The following KIF13A variants were observed in gnomAD, a reference collection of about 807,000 sequenced individuals.
KIF13A encodes the protein kinesin-like protein KIF13A.
KIF13A carries 79 observed loss-of-function variants against 212.2 expected under a neutral mutation model. The observed-to-expected ratio is 0.37, with a 90% confidence interval of 0.31 to 0.45. The LOEUF (loss-of-function observed/expected upper bound fraction) is 0.45. Among genes scored for constraint, KIF13A ranks in the 20% least tolerant of loss-of-function variants. The pLI is 1.00. For missense variants in KIF13A, 1,901 were observed against 2,209.0 expected, an observed-to-expected ratio of 0.86 and a Z score of 2.79; for synonymous variants, 789 against 808.6, an observed-to-expected ratio of 0.98 and a Z score of 0.41.
chr6:17,880,627 C>CAAAAA (rs34817140), intron 3 of KIF13A, among the ~76,000 whole-genome samples: 17 of 69,322 alleles, frequency 2.5e-4, no homozygotes, highest in African/African-American at 6.9e-4. Flanking sequence ...GACTCTGTCT[C>CAAAAA]AAAAAAAAAA....
At chr6:17,882,933 A>ATG (rs1313788172) in intron 3 of KIF13A, among the ~76,000 whole-genome samples, 3 of 152,152 alleles carry the variant, frequency 2.0e-5, no homozygotes, top group African/African-American at 7.2e-5. Context: ...CAGATTCTGT[A>ATG]TGTGTGTATA....
rs769297376 is a variant in KIF13A, at chr6:17,837,108, C to A, written c.943-18G>T. The A allele has an allele frequency of 1.2e-6, 2 of 1,609,424 alleles. No individual in the cohort carries two copies. Among genetic ancestry groups the A allele is most frequent in the Non-Finnish European group, 1.7e-6 (2 of 1,176,342 alleles). On this transcript the variant is annotated intron_variant, in intron 10 of 38. Coordinates refer to ENST00000259711, the MANE Select transcript of KIF13A (RefSeq NM_022113.6). The surrounding 1 kb of genome is among the most constrained non-coding windows in gnomAD (Gnocchi z 5.4). ...AAGTTGTCCTGCCAAGTATTTCAAA[C>A]AGCATCTTAGGAAGCCCATTCCATG...
chr6:17,761,507 C>T (rs1010689192), downstream of KIF13A, among the ~76,000 whole-genome samples: 7 of 152,112 alleles, frequency 4.6e-5, no homozygotes, highest in African/African-American at 1.7e-4. Context: ...CCTCAGCCTC[C>T]CGAGTAGCTG....
chr6:17,784,255 T>TA lies in KIF13A; in HGVS notation c.3489-555dup, dbSNP rs1169156151. Among the ~76,000 whole-genome samples the TA allele has an allele frequency of 1.4e-3, 218 of 150,496 alleles. 1 individual carries two copies. The highest frequency in any genetic ancestry group is 4.7e-3 in the African/African-American group (194 of 41,046). On this transcript the variant is annotated intron_variant, in intron 28 of 38. Coordinates refer to ENST00000259711, the MANE Select transcript of KIF13A (RefSeq NM_022113.6). ...GGCAACACAGGGAGATCTTGTCTTA[T>TA]AAAAAAAAACAAAAAAACACTAGCT...
chr6:17,960,937 C>T (rs1344306614), intron 2 of KIF13A, among the ~76,000 whole-genome samples: 1 of 152,152 alleles, frequency 6.6e-6, no homozygotes, highest in Non-Finnish European at 1.5e-5. Context: ...CTGCACTAGA[C>T]CCCTTTCAAG....
chr6:17,881,605 G>A (rs1347743160), intron 3 of KIF13A: 10 of 366,066 alleles, frequency 2.7e-5, no homozygotes. Flanking sequence ...GCTGAGGCAG[G>A]AGAATCACTT....
rs1265446341 is a variant in KIF13A, at chr6:17,773,728, A to G, written c.4219-145T>C. 6.1e-6 allele frequency: 3 copies of G among 490,384 alleles called. No individual in the cohort carries two copies. Among genetic ancestry groups the G allele is most frequent in the African/African-American group, 3.9e-5 (2 of 51,944 alleles). 30.4% of individuals were successfully genotyped at this position (490,384 alleles called of 1,614,324 possible). On this transcript the variant is annotated intron_variant, in intron 35 of 38. Coordinates refer to ENST00000259711, the MANE Select transcript of KIF13A (RefSeq NM_022113.6). The surrounding 1 kb of genome is among the most constrained non-coding windows in gnomAD (Gnocchi z 4.2). ...TATGATTTATTTCAAATATACAGAA[A>G]GGGCTGAATATCGTAAAAAATACTG...
Position 17,779,030 on chromosome 6 carries a change from A to C in KIF13A, c.4009T>G (p.Ser1337Ala), listed in dbSNP as rs987952505. The C allele has an allele frequency of 6.2e-7, 1 of 1,613,354 alleles. No individual in the cohort carries two copies. Among genetic ancestry groups the C allele is most frequent in the African/African-American group, 1.3e-5 (1 of 74,760 alleles). ...TTCTCAATGTACGTCTCCCCATCTG[A>C]TGTGCCTTCGTTTTCACTCCTTGCT... ...LAARSENEGT[S>A]DGETYIEKYT... is the part of the protein sequence containing the mutation. Residue 1337 changes from serine to alanine, a missense_variant, in exon 33 of 39, where the codon TCA (serine) becomes GCA (alanine). Ser to Ala is a moderately conservative substitution (Grantham distance 99). Transcript: ENST00000259711.
chr6:17,972,812 CTTGTCT>C (rs1779924245), intron 2 of KIF13A, among the ~76,000 whole-genome samples: 1 of 144,120 alleles, frequency 6.9e-6, no homozygotes. Flanking sequence ...CTTCCTGTTC[CTTGTCT>C]TTGAGAGAGA....
At position 17,967,813 on chromosome 6, in the gene KIF13A, T is replaced by C. The variant is rs1779459909; in HGVS notation, c.146+19241A>G. Among the ~76,000 whole-genome samples, 1 of 152,164 alleles carries C rather than the reference T, an allele frequency of 6.6e-6. No individual in the cohort carries two copies. The highest frequency in any genetic ancestry group is 2.4e-5 in the African/African-American group (1 of 41,440). The stretch of plus-strand genomic sequence containing the variant: ...ACCCGCTGATGTTTGACAATCACTG[T>C]GAGATGCATCACAAGTAACTTGTTA... On this transcript the variant is annotated intron_variant, in intron 2 of 38. Coordinates refer to ENST00000259711, the MANE Select transcript of KIF13A (RefSeq NM_022113.6). The surrounding 1 kb of genome is among the most constrained non-coding windows in gnomAD (Gnocchi z 4.1).
Position 17,963,216 on chromosome 6 carries a change from A to G in KIF13A, c.146+23838T>C, listed in dbSNP as rs7749293. Among the ~76,000 whole-genome samples the G allele has an allele frequency of 0.5, 75,774 of 151,870 alleles. 20,478 individuals are homozygous for G. Among genetic ancestry groups the G allele is most frequent in the African/African-American group, 0.73 (30,107 of 41,426 alleles). ...GCGGATCACCTGAGGTGGGGAGTTC[A>G]AGACCAGCCTGGCCAACATGGCGAA... is the stretch of plus-strand genomic sequence containing the variant. On this transcript the variant is annotated intron_variant, in intron 2 of 38. Transcript: ENST00000259711. This position sits in a 1 kb window ranked among gnomAD's most constrained non-coding sequence, Gnocchi z 4.1.
intron 18 of KIF13A, among the ~76,000 whole-genome samples, chr6:17,808,414 A>G (rs977530076): frequency 2.0e-5 from 2 of 99,374 alleles, no homozygotes; most frequent in Non-Finnish European, 4.7e-5. Context: ...AACAAACAAA[A>G]CCCTCAGGTA....
intron 2 of KIF13A, among the ~76,000 whole-genome samples, chr6:17,940,777 C>A (rs1187954414): frequency 6.6e-6 from 1 of 151,342 alleles, no homozygotes; most frequent in Non-Finnish European, 1.5e-5. Flanking sequence ...TTTTTTATGA[C>A]AAACTTTTTA....
At chr6:17,986,175 G>C (rs1374396381) in intron 2 of KIF13A, among the ~76,000 whole-genome samples, 1 of 152,198 alleles carries the variant, frequency 6.6e-6, no homozygotes, top group Non-Finnish European at 1.5e-5. Context: ...CATTTCCAAT[G>C]AAAATTAATA....
intron 2 of KIF13A, among the ~76,000 whole-genome samples, chr6:17,927,402 G>C (rs930543647): frequency 5.9e-5 from 9 of 152,122 alleles, no homozygotes; most frequent in African/African-American, 1.9e-4. Context: ...AAATAAGACA[G>C]ACACAAAAGG....
Position 17,831,396 on chromosome 6 carries a change from A to T in KIF13A, c.1267-161T>A, listed in dbSNP as rs1441359373. ...TAACAGAGAGTCTACAGTGCATGAC[A>T]TCTTGTGGCAGGCGTGATAGGGGCA... On this transcript the variant is annotated intron_variant, in intron 12 of 38. Transcript: ENST00000259711. Among the ~76,000 whole-genome samples, 3 of 152,066 alleles carry T rather than the reference A, an allele frequency of 2.0e-5. No homozygotes were observed. The South Asian group carries it at 6.2e-4, about 32-fold the overall frequency.
rs1032855729 is a variant in KIF13A at position 17,984,458 on chromosome 6, A to G, written c.146+2596T>C. 1 of 914,530 alleles carries G rather than the reference A, an allele frequency of 1.1e-6. No individual in the cohort carries two copies. Among genetic ancestry groups the G allele is most frequent in the Non-Finnish European group, 1.3e-6 (1 of 766,946 alleles). The allele number at this position is 914,530 out of a possible 1,614,324, so 56.7% of individuals were successfully genotyped here. A position where few individuals can be genotyped will look rare whatever the true frequency, so the allele number is the denominator to read the frequency against. ...AACCTGGACCTATGCAATGTATTAC[A>G]ATACTAGAATTTCAGCAACAAAACA... On this transcript the variant is annotated intron_variant, in intron 2 of 38. Coordinates refer to ENST00000259711, the MANE Select transcript of KIF13A (RefSeq NM_022113.6). This position sits in a 1 kb window ranked among gnomAD's most constrained non-coding sequence, Gnocchi z 5.0.
At chr6:17,873,163 C>T (rs1299695472) in intron 4 of KIF13A, 2 of 476,500 alleles carry the variant, frequency 4.2e-6, no homozygotes, top group Non-Finnish European at 7.4e-6. Flanking sequence ...CAATTTGAAG[C>T]TTAATAAAAA....
intron 2 of KIF13A, among the ~76,000 whole-genome samples, chr6:17,976,811 A>G (rs903464185): frequency 3.3e-5 from 5 of 151,842 alleles, no homozygotes; most frequent in African/African-American, 1.2e-4. Context: ...CAAAAAAAAA[A>G]AAAAAAAAGA....
Sources: gnomAD v4.1 joint callset for allele counts (sites outside exome capture counted in the v4.1 genomes callset) on GRCh38, gnomAD v4.1.1 for gene constraint, Gnocchi (gnomAD v3.1) non-coding constraint, MANE v1.5 for transcripts, NCBI Gene and HGNC (gene_info 2026-07-23, HGNC 2026-07-21) for gene names.